SRGAP3: variants seen among roughly 807,000 people sequenced by gnomAD.
SRGAP3 encodes SLIT-ROBO Rho GTPase activating protein 3, also known as SLIT-ROBO Rho GTPase-activating protein 3.
In SRGAP3, 39 loss-of-function variants were observed where a neutral mutation model predicts 121.1. That is an observed-to-expected ratio of 0.32 (90% CI 0.25 to 0.42). SRGAP3 has a LOEUF of 0.42. SRGAP3 is among the 10% of genes least tolerant of loss of function. SRGAP3 has a pLI of 1.00. For missense variants in SRGAP3, 1,213 were observed against 1,470.6 expected (o/e 0.82, Z 2.86); for synonymous variants, 601 against 570.0 (o/e 1.05, Z -0.77).
At chr3:8,997,758 C>T (rs577290842) in intron 18 of SRGAP3, among the ~76,000 whole-genome samples, 2 of 152,276 alleles carry the variant, frequency 1.3e-5, no homozygotes, top group South Asian at 4.1e-4. Flanking sequence ...TTTTACGATG[C>T]TAGATTTATC....
chr3:9,037,120 G>A (rs1574954310), intron 11 of SRGAP3: 1 of 152,172 alleles, frequency 6.6e-6, no homozygotes, highest in South Asian at 2.1e-4. Context: ...CAAACATGAG[G>A]GCTTCCCAGG....
At chr3:9,159,326 C>T (rs1950528584) in intron 1 of SRGAP3, among the ~76,000 whole-genome samples, 1 of 152,136 alleles carries the variant, frequency 6.6e-6, no homozygotes, top group Non-Finnish European at 1.5e-5. Flanking sequence ...CGGGACCTGC[C>T]TTCTGGGGCC....
chr3:9,330,864 T>C (rs1419782027), intron 1 of SRGAP3, among the ~76,000 whole-genome samples: 1 of 152,206 alleles, frequency 6.6e-6, no homozygotes, highest in Non-Finnish European at 1.5e-5. Context: ...AGTGGTTAAA[T>C]TATGGCTGCT....
intron 20 of SRGAP3, chr3:8,992,624 A>G: frequency 1.9e-6 from 1 of 527,240 alleles, no homozygotes; most frequent in Non-Finnish European, 3.4e-6. Flanking sequence ...ATACTTGCCA[A>G]TTTGTATCTC....
At chr3:9,084,194 T>G (rs536949074) in intron 3 of SRGAP3, among the ~76,000 whole-genome samples, 34 of 152,212 alleles carry the variant, frequency 2.2e-4, no homozygotes, top group African/African-American at 6.3e-4. Context: ...CTCCCCCACC[T>G]CCCAATATCC....
At position 9,032,751 on chromosome 3, in the gene SRGAP3, G is replaced by C. The variant is rs956375598; in HGVS notation, c.1438C>G (p.Pro480Ala). ...TGTGGTTTAGGGGGAAGACAGGGGG[G>C]CCTAGGGGAAAACGGAACAAAAGAA... is the stretch of plus-strand genomic sequence containing the variant. The part of the protein sequence containing the change: ...GERAECGTTR[P>A]PCLPPKPQKM... Residue 480 changes from proline (P) to alanine (A), a missense_variant and splice_region_variant, in exon 12 of 22, where the codon CCC becomes GCC. Transcript: ENST00000383836. 10 of 1,610,618 alleles carry C rather than the reference G, an allele frequency of 6.2e-6. No individual in the cohort carries two copies. Among genetic ancestry groups the C allele is most frequent in the Admixed American group, 5.0e-5 (3 of 59,802 alleles).
intron 4 of SRGAP3, 80 bp downstream of exon 4, chr3:9,079,943 CCT>C (rs987529468): frequency 6.0e-6 from 9 of 1,501,152 alleles, no homozygotes; most frequent in Non-Finnish European, 8.3e-6. Context: ...TCATTCCAGA[CCT>C]CTGTTTTGCT....
intron 1 of SRGAP3, among the ~76,000 whole-genome samples, chr3:9,156,099 G>A (rs1575158373): frequency 6.6e-6 from 1 of 152,384 alleles, no homozygotes; most frequent in South Asian, 2.1e-4. Context: ...ACAGGCGTGA[G>A]CCACCACGCC....
intron 11 of SRGAP3, chr3:9,037,153 T>C (rs1203568003): frequency 6.6e-6 from 1 of 152,136 alleles, no homozygotes; most frequent in African/African-American, 2.4e-5. Context: ...TGGAAAGCAT[T>C]TGTGGGAAAA....
At chr3:9,276,909 C>T (rs1954593224) in intron 3 of SRGAP3, among the ~76,000 whole-genome samples, 2 of 152,210 alleles carry the variant, frequency 1.3e-5, no homozygotes, top group Non-Finnish European at 2.9e-5. Context: ...AGCACTTACC[C>T]TGCGCTCAGC....
chr3:9,327,576 G>C (rs1402678050), intron 2 of SRGAP3, among the ~76,000 whole-genome samples: 2 of 152,164 alleles, frequency 1.3e-5, no homozygotes, highest in Non-Finnish European at 2.9e-5. Flanking sequence ...GGTAAGTATA[G>C]GATTTTAATT....
In SRGAP3 at chr3:9,015,751, G is replaced by A. The variant is rs777553518; in HGVS notation, c.1679-20C>T. The A allele has an allele frequency of 3.1e-5, 50 of 1,613,840 alleles. No individual in the cohort carries two copies. Among genetic ancestry groups the A allele is most frequent in the Non-Finnish European group, 4.0e-5 (47 of 1,180,006 alleles). Reference sequence around the variant, plus strand: ...CTTCACCTGAGTGGAAACAAGAGACGAGATGATATTTCAGCTTGGGAAGGA... The same window carrying A: ...CTTCACCTGAGTGGAAACAAGAGACAAGATGATATTTCAGCTTGGGAAGGA... On this transcript the variant is annotated intron_variant, in intron 14 of 21. Transcript: ENST00000383836.
chr3:9,203,335 G>A (rs1952133591), intron 1 of SRGAP3, among the ~76,000 whole-genome samples: 1 of 152,112 alleles, frequency 6.6e-6, no homozygotes, highest in African/African-American at 2.4e-5. Context: ...GGGCACCCTG[G>A]GAAACCACTT....
At chr3:9,276,907 C>T (rs1246581379) in intron 3 of SRGAP3, among the ~76,000 whole-genome samples, 2 of 152,202 alleles carry the variant, frequency 1.3e-5, no homozygotes, top group Non-Finnish European at 2.9e-5. Flanking sequence ...TGAGCACTTA[C>T]CCTGCGCTCA....
chr3:9,336,159 G>A (rs958606952), intron 1 of SRGAP3, among the ~76,000 whole-genome samples: 2 of 151,990 alleles, frequency 1.3e-5, no homozygotes, highest in African/African-American at 4.8e-5. Flanking sequence ...AGGAATGAAT[G>A]TAATTCAATG....
chr3:9,284,350 G>A (rs1413167406), intron 3 of SRGAP3, among the ~76,000 whole-genome samples: 1 of 152,194 alleles, frequency 6.6e-6, no homozygotes. Context: ...GACATTCTTA[G>A]GTGAAACTAG....
chr3:9,152,060 C>A (rs1268292505), intron 1 of SRGAP3, among the ~76,000 whole-genome samples: 2 of 152,224 alleles, frequency 1.3e-5, no homozygotes, highest in Non-Finnish European at 2.9e-5. Context: ...ACAGCTGGGC[C>A]TCCCTGAGTA....
At chr3:9,191,068 G>A (rs995795491) in intron 1 of SRGAP3, among the ~76,000 whole-genome samples, 1 of 151,888 alleles carries the variant, frequency 6.6e-6, no homozygotes, top group African/African-American at 2.4e-5. Context: ...GAAGTTTCTC[G>A]TCCCCCTCCT....
At chr3:9,049,458 A>G (rs1005399614) in intron 9 of SRGAP3, 2 of 455,986 alleles carry the variant, frequency 4.4e-6, no homozygotes, top group Admixed American at 2.3e-5. Flanking sequence ...GGAAAACATC[A>G]TCAGGCCCCT....
Sources: gnomAD v4.1 joint callset for allele counts (sites outside exome capture counted in the v4.1 genomes callset) on GRCh38, gnomAD v4.1.1 for gene constraint, MANE v1.5 for transcripts, NCBI Gene and HGNC (gene_info 2026-07-23, HGNC 2026-07-21) for gene names.